The following CTPS1 variants were observed in gnomAD, a reference collection of about 807,000 sequenced individuals.
CTPS1 encodes the protein CTP synthetase 1.
CTPS1 carries 25 observed loss-of-function variants against 80.5 expected under a neutral mutation model. The ratio of observed to expected loss-of-function variants is 0.31; its 90% CI spans 0.23 to 0.43. CTPS1 has a LOEUF of 0.43. Among genes scored for constraint, CTPS1 ranks in the 20% least tolerant of loss-of-function variants. The pLI, the probability that CTPS1 is intolerant of heterozygous loss-of-function variation, is 1.00. For missense variants in CTPS1, 442 were observed against 725.7 expected (o/e 0.61, Z 4.49); for synonymous variants, 267 against 252.5 (o/e 1.06, Z -0.54).
chr1:40,996,263 A>G, intron 8 of CTPS1, 195 bp downstream of exon 8: 2 of 632,876 alleles, frequency 3.2e-6, no homozygotes, highest in Non-Finnish European at 5.4e-6. Flanking sequence ...GGAGATCCTG[A>G]TAGGGCCAGG....
intron 14 of CTPS1, among the ~76,000 whole-genome samples, chr1:41,008,193 C>T (rs1056729537): frequency 6.6e-6 from 1 of 152,110 alleles, no homozygotes; most frequent in Non-Finnish European, 1.5e-5. Flanking sequence ...TAGAGCAGCC[C>T]GTTCGCAAAT....
intron 10 of CTPS1, 149 bp from the exon 11 acceptor site, chr1:41,002,011 A>G (rs2148412361): frequency 1.4e-6 from 1 of 703,814 alleles, no homozygotes; most frequent in Non-Finnish European, 2.6e-6. Context: ...CTAAGTTGAT[A>G]GTGTTTACAT....
At position 40,991,801 on chromosome 1, in the gene CTPS1, G is replaced by GT; in HGVS notation, c.677dup (p.Lys227GlufsTer11). 6.2e-7 allele frequency: 1 copy of GT among 1,614,062 alleles called. No individual in the cohort carries two copies. Among genetic ancestry groups the GT allele is most frequent in the Non-Finnish European group, 8.5e-7 (1 of 1,179,952 alleles). On this transcript the variant is annotated frameshift_variant, in exon 7 of 19. Transcript: ENST00000650070. LOFTEE classifies it high-confidence loss of function. The stretch of plus-strand genomic sequence containing the variant: ...GTGCTCAAATCCACTTGACACATCA[G>GT]TGAAGGAGAAAATATCAATGTTCTG...
At chr1:40,997,773 G>A (rs1642793059) in intron 9 of CTPS1, among the ~76,000 whole-genome samples, 1 of 152,210 alleles carries the variant, frequency 6.6e-6, no homozygotes, top group Non-Finnish European at 1.5e-5. Context: ...TCTTGGCTAT[G>A]ACTATCAGGT....
intron 18 of CTPS1, 99 bp downstream of exon 18, chr1:41,010,353 G>A: frequency 1.2e-6 from 1 of 804,206 alleles, no homozygotes. Flanking sequence ...ATTTTTATCT[G>A]CCAGGAATGA....
chr1:41,001,345 A>G (rs1398566595), intron 10 of CTPS1, among the ~76,000 whole-genome samples: 3 of 152,242 alleles, frequency 2.0e-5, no homozygotes, highest in East Asian at 3.8e-4. Flanking sequence ...ATATGCATCT[A>G]TTGATGAGGC....
intron 8 of CTPS1, 75 bp from the exon 9 acceptor site, chr1:40,997,319 T>C (rs1204474724): frequency 9.8e-6 from 15 of 1,528,926 alleles, no homozygotes; most frequent in Non-Finnish European, 1.3e-5. Flanking sequence ...TTTTTTCCCT[T>C]GAAATAGCTA....
At position 40,991,165 on chromosome 1, in the gene CTPS1, C is replaced by T; in HGVS notation, c.556C>T (p.Pro186Ser). The T allele has an allele frequency of 1.3e-6, 2 of 1,572,056 alleles. No homozygotes were observed. The highest frequency in any genetic ancestry group is 2.1e-5 in the Admixed American group (1 of 47,230). ...CNIHVSLVPQ[P>S]SSTGEQKTKP... ...TTTTTTTTTTTCTTTTGTGAAATAGCCAAGTTCAACAGGGGAACAGAAGAC... is the reference window on the plus strand; with the variant it reads ...TTTTTTTTTTTCTTTTGTGAAATAGTCAAGTTCAACAGGGGAACAGAAGAC... The change falls in exon 6 of 19, where the codon CCA (proline) becomes TCA (serine). Residue 186 changes from proline (P) to serine (S), a missense_variant and splice_region_variant. Pro to Ser is a moderately conservative substitution (Grantham distance 74, BLOSUM62 -1). Coordinates refer to ENST00000650070, the MANE Select transcript of CTPS1 (RefSeq NM_001905.4).
At chr1:41,000,050 C>CA (rs1434220803) in intron 9 of CTPS1, among the ~76,000 whole-genome samples, 1 of 152,140 alleles carries the variant, frequency 6.6e-6, no homozygotes, top group Non-Finnish European at 1.5e-5. Flanking sequence ...GGATGAACTT[C>CA]AAAAACACTA....
chr1:40,985,725 G>A (rs565544425), intron 3 of CTPS1, among the ~76,000 whole-genome samples: 8 of 152,252 alleles, frequency 5.3e-5, no homozygotes, highest in African/African-American at 1.9e-4. Flanking sequence ...CTGACAGCTG[G>A]CTCTGGTCTG....
chr1:41,006,057 A>G lies in CTPS1; in HGVS notation c.1259A>G (p.Asn420Ser), dbSNP rs758454289. 11 of 1,613,388 alleles carry G rather than the reference A, an allele frequency of 6.8e-6. 1 individual carries two copies. Among genetic ancestry groups the G allele is most frequent in the Middle Eastern group, 1.7e-4 (1 of 6,060 alleles). Residue 420 changes from asparagine (N) to serine (S), a missense_variant, in exon 13 of 19, where the codon AAT becomes AGT. By Grantham distance (46) the Asn-to-Ser change is conservative (BLOSUM62 1). Around this residue, in one of 4 missense-constraint regions of CTPS1, gnomAD observed 321 missense variants for 467.2 expected, o/e 0.69. Coordinates refer to ENST00000650070, the MANE Select transcript of CTPS1 (RefSeq NM_001905.4). The part of the protein sequence containing the change: ...SRNVLGWQDA[N>S]STEFDPTTSH... The stretch of plus-strand genomic sequence containing the variant: ...AAGTATTTTGGTATTTCAGATGCCA[A>G]TTCTACAGAGTTTGACCCTACGACC...
Position 41,012,028 on chromosome 1 carries a change from C to G in CTPS1, c.*380C>G, listed in dbSNP as rs1643185654. 6.6e-6 allele frequency: 1 copy of G among 152,224 alleles called. No homozygotes were observed. Among genetic ancestry groups the G allele is most frequent in the African/African-American group, 2.4e-5 (1 of 41,452 alleles). The allele number at this position is 152,224 out of a possible 1,614,324, so 9.4% of individuals were successfully genotyped here. A position where few individuals can be genotyped will look rare whatever the true frequency, so the allele number is the denominator to read the frequency against. ...ACCTAGACCGTTATAAAGTGTGCCA[C>G]ATGGACTTACCGAGCATGGAGAGAG... On this transcript the variant is annotated 3_prime_UTR_variant, in exon 19 of 19. Coordinates refer to ENST00000650070, the MANE Select transcript of CTPS1 (RefSeq NM_001905.4).
At position 40,991,862 on chromosome 1, in the gene CTPS1, A is replaced by G. The variant is rs770898513; in HGVS notation, c.720+17A>G. ...CCTGAACAAGTGAGTAGAAATTCCC[A>G]TCTCTAATAAGTTGTTTTTTGCTTC... On this transcript the variant is annotated intron_variant, in intron 7 of 18. Coordinates refer to ENST00000650070, the MANE Select transcript of CTPS1 (RefSeq NM_001905.4). 1.4e-5 allele frequency: 22 copies of G among 1,597,110 alleles called. No homozygotes were observed. In the East Asian group the frequency reaches 4.2e-4, roughly 31 times the overall value.
intron 9 of CTPS1, 65 bp from the exon 10 acceptor site, chr1:41,000,964 A>G: frequency 2.8e-6 from 3 of 1,067,146 alleles, no homozygotes; most frequent in Non-Finnish European, 2.7e-6. Flanking sequence ...ATATTATTTA[A>G]AAATTAAGAA....
chr1:40,991,107 T>G (rs1450049670), intron 5 of CTPS1, 58 bp from the exon 6 acceptor site: 7 of 1,287,928 alleles, frequency 5.4e-6, no homozygotes, highest in African/African-American at 1.5e-5. Context: ...AAAGTCATAC[T>G]TGAAAATTCC....
chr1:40,988,314 G>A (rs1642511444), intron 4 of CTPS1, among the ~76,000 whole-genome samples: 1 of 149,836 alleles, frequency 6.7e-6, no homozygotes, highest in Non-Finnish European at 1.5e-5. Context: ...CTGTGATAGA[G>A]ATAACATTCC....
intron 7 of CTPS1, among the ~76,000 whole-genome samples, chr1:40,992,731 C>T (rs1167585438): frequency 6.7e-6 from 1 of 149,118 alleles, no homozygotes; most frequent in Non-Finnish European, 1.5e-5. Flanking sequence ...CGCTGTGTCG[C>T]CCAGGCTGGA....
chr1:40,988,540 A>C, intron 4 of CTPS1, 54 bp from the exon 5 acceptor site: 1 of 1,202,334 alleles, frequency 8.3e-7, no homozygotes, highest in Non-Finnish European at 1.2e-6. Flanking sequence ...TAGAAAACTA[A>C]ACTGCCAGAG....
intron 10 of CTPS1, chr1:41,001,529 C>T (rs763366097): frequency 1.2e-4 from 23 of 188,830 alleles, no homozygotes; most frequent in Non-Finnish European, 2.0e-4. Flanking sequence ...TTGGTCAGTA[C>T]GGCACACAGA....
Sources: allele counts gnomAD v4.1 joint callset (sites outside exome capture counted in the v4.1 genomes callset), GRCh38; gene constraint gnomAD v4.1.1; regional missense constraint gnomAD v4.1.1; transcripts MANE v1.5; gene names NCBI Gene and HGNC (gene_info 2026-07-23, HGNC 2026-07-21).